The following IL1RAPL2 variants were observed in gnomAD, a reference collection of about 807,000 sequenced individuals.
The protein encoded by IL1RAPL2 is X-linked interleukin-1 receptor accessory protein-like 2.
IL1RAPL2 carries 3 observed loss-of-function variants against 44.1 expected under a neutral mutation model. That is an observed-to-expected ratio of 0.07 (90% CI 0.03 to 0.18). IL1RAPL2 has a LOEUF of 0.18. Among genes scored for constraint, IL1RAPL2 ranks in the 10% least tolerant of loss-of-function variants. The pLI is 1.00. For synonymous variants in IL1RAPL2, 181 were observed against 178.8 expected (o/e 1.01, Z -0.10); for missense variants, 391 against 496.4 (o/e 0.79, Z 2.02).
At chrX:104,610,228 G>A (rs1022060182) in intron 1 of IL1RAPL2, among the ~76,000 whole-genome samples, 5 of 111,010 alleles carry the variant, frequency 4.5e-5, no homozygotes, top group Admixed American at 9.6e-5. Flanking sequence ...GCACAAGACC[G>A]GGATGCCCTC....
At position 104,683,755 on chromosome X, in the gene IL1RAPL2, A is replaced by C. The variant is rs779358091; in HGVS notation, c.82+24760A>C. 8.9e-5 allele frequency among the ~76,000 whole-genome samples: 10 copies of C among 112,470 alleles called. No homozygotes were observed. In the East Asian group the frequency reaches 1.7e-3, roughly 19 times the overall value. On this transcript the variant is annotated intron_variant, in intron 2 of 10. Coordinates refer to ENST00000372582, the MANE Select transcript of IL1RAPL2 (RefSeq NM_017416.2). ...CTTGGCCACCTGGCTGCATCTATTCATGTCAACTCAGCAGTAGCTTTAGAT... is the reference window on the plus strand; with the variant it reads ...CTTGGCCACCTGGCTGCATCTATTCCTGTCAACTCAGCAGTAGCTTTAGAT...
intron 2 of IL1RAPL2, among the ~76,000 whole-genome samples, chrX:104,975,695 C>T (rs1230603332): frequency 8.9e-6 from 1 of 112,446 alleles, no homozygotes; most frequent in Non-Finnish European, 1.9e-5. Flanking sequence ...CCATTAGCTA[C>T]CTCCTGCAAT....
chrX:105,637,795 G>A (rs1169369193), intron 6 of IL1RAPL2, among the ~76,000 whole-genome samples: 1 of 108,778 alleles, frequency 9.2e-6, no homozygotes, highest in Non-Finnish European at 1.9e-5. Context: ...CCTTGAAGCT[G>A]GAAGACTGAT....
chrX:105,220,033 C>T (rs1307987026), intron 3 of IL1RAPL2: 19 of 1,210,051 alleles, frequency 1.6e-5, no homozygotes, highest in African/African-American at 8.7e-5. Context: ...CGCCTCCTTG[C>T]GTTCCGTCTC....
At chrX:105,492,576 AATT>A (rs961794388) in intron 6 of IL1RAPL2, among the ~76,000 whole-genome samples, 10 of 109,545 alleles carry the variant, frequency 9.1e-5, no homozygotes, top group Admixed American at 4.9e-4. Flanking sequence ...TACTAATAAT[AATT>A]ATTATTATTT....
intron 5 of IL1RAPL2, among the ~76,000 whole-genome samples, chrX:105,361,941 C>G (rs921011644): frequency 9.0e-6 from 1 of 111,503 alleles, no homozygotes; most frequent in African/African-American, 3.3e-5. Context: ...ATCTGTCATC[C>G]TCTACATGGG....
At chrX:105,525,736 G>A (rs1308820445) in intron 6 of IL1RAPL2, among the ~76,000 whole-genome samples, 1 of 111,309 alleles carries the variant, frequency 9.0e-6, no homozygotes, top group Admixed American at 9.6e-5. Flanking sequence ...TATTTGCTTA[G>A]TTCTTCCCCC....
chrX:105,140,395 C>A (rs2033115434), intron 2 of IL1RAPL2, among the ~76,000 whole-genome samples: 1 of 112,145 alleles, frequency 8.9e-6, no homozygotes, highest in Non-Finnish European at 1.9e-5. Flanking sequence ...CATGAAGTGA[C>A]AAGTACAAAG....
intron 2 of IL1RAPL2, among the ~76,000 whole-genome samples, chrX:104,831,729 T>C (rs1444566861): frequency 8.9e-6 from 1 of 112,286 alleles, no homozygotes; most frequent in Non-Finnish European, 1.9e-5. Flanking sequence ...CTGTGATTTG[T>C]CCTGCTTCTC....
Position 104,875,819 on chromosome X carries a change from C to T in IL1RAPL2, c.82+216824C>T, listed in dbSNP as rs141218602. Among the ~76,000 whole-genome samples the T allele has an allele frequency of 2.7e-5, 3 of 111,734 alleles. No individual in the cohort carries two copies. In the East Asian group the frequency reaches 8.4e-4, roughly 31 times the overall value. ...TTATTTTTCTACTTAGCACATATCACCATCTGACATACCATATCATCTACC... is the reference window on the plus strand; with the variant it reads ...TTATTTTTCTACTTAGCACATATCATCATCTGACATACCATATCATCTACC... On this transcript the variant is annotated intron_variant, in intron 2 of 10. Transcript: ENST00000372582.
At chrX:105,168,492 A>AAG (rs1224387560) in intron 2 of IL1RAPL2, among the ~76,000 whole-genome samples, 3 of 91,263 alleles carry the variant, frequency 3.3e-5, no homozygotes, top group East Asian at 3.3e-4. Context: ...GGGAAGGAGG[A>AAG]AGAGAGAGAG....
intron 2 of IL1RAPL2, among the ~76,000 whole-genome samples, chrX:104,873,607 G>A (rs1193438653): frequency 9.0e-6 from 1 of 111,067 alleles, no homozygotes; most frequent in Non-Finnish European, 1.9e-5. Context: ...CAATTCAGAG[G>A]AGGAAGAGCA....
intron 5 of IL1RAPL2, among the ~76,000 whole-genome samples, chrX:105,291,671 A>T (rs1487986392): frequency 9.0e-6 from 1 of 111,402 alleles, no homozygotes; most frequent in Non-Finnish European, 1.9e-5. Flanking sequence ...CCTTACCTAG[A>T]TATAATCATT....
chrX:105,220,292 GA>G (rs2033943715), intron 3 of IL1RAPL2: 1 of 1,210,850 alleles, frequency 8.3e-7, no homozygotes. Context: ...ATATTCTCAA[GA>G]TAGAACTCGG....
intron 2 of IL1RAPL2, among the ~76,000 whole-genome samples, chrX:105,029,565 T>G (rs1293219774): frequency 2.8e-5 from 3 of 108,214 alleles, no homozygotes; most frequent in Non-Finnish European, 5.7e-5. Flanking sequence ...TCCATGTCCC[T>G]ACAAAGGACA....
intron 5 of IL1RAPL2, among the ~76,000 whole-genome samples, chrX:105,441,743 C>G (rs1414907891): frequency 9.0e-6 from 1 of 111,683 alleles, no homozygotes; most frequent in Non-Finnish European, 1.9e-5. Flanking sequence ...GTGCTGGAAG[C>G]TGGATCTTAT....
intron 2 of IL1RAPL2, among the ~76,000 whole-genome samples, chrX:104,705,114 T>C (rs758903206): frequency 8.9e-6 from 1 of 111,737 alleles, no homozygotes; most frequent in East Asian, 2.8e-4. Flanking sequence ...AATTACTGAA[T>C]GCATACCATG....
intron 6 of IL1RAPL2, among the ~76,000 whole-genome samples, chrX:105,576,207 C>T (rs1307839290): frequency 9.0e-6 from 1 of 110,727 alleles, no homozygotes; most frequent in African/African-American, 3.3e-5. Context: ...TTGATTTTGG[C>T]GCCTTCCTCA....
chrX:105,002,240 T>C (rs1485700195), intron 2 of IL1RAPL2, among the ~76,000 whole-genome samples: 1 of 111,302 alleles, frequency 9.0e-6, no homozygotes, highest in Non-Finnish European at 1.9e-5. Context: ...GGGAGAGCTA[T>C]TCAAGGAATA....
Sources: gnomAD v4.1 joint callset for allele counts (sites outside exome capture counted in the v4.1 genomes callset) on GRCh38, gnomAD v4.1.1 for gene constraint, MANE v1.5 for transcripts, NCBI Gene and HGNC (gene_info 2026-07-23, HGNC 2026-07-21) for gene names.